The following RPSA2 variants were observed in gnomAD, a reference collection of about 807,000 sequenced individuals.
The protein encoded by RPSA2 is small ribosomal subunit protein uS2B.
the RPSA2 span, chr19:23,843,249 G>C: frequency 4.1e-6 from 1 of 242,678 alleles, no homozygotes; most frequent in African/African-American, 2.2e-5. Context: ...TATGTAAAGA[G>C]ACATGAGACA....
chr19:23,797,858 A>C, the RPSA2 span, among the ~76,000 whole-genome samples: 6 of 152,220 alleles, frequency 3.9e-5, no homozygotes, highest in Admixed American at 3.9e-4. Context: ...CCATGAGTTC[A>C]AGAACATGTT....
At chr19:23,865,727 G>A in the RPSA2 span, among the ~76,000 whole-genome samples, 1 of 152,154 alleles carries the variant, frequency 6.6e-6, no homozygotes, top group African/African-American at 2.4e-5. Context: ...CTGCTGCTAT[G>A]GCAAGGGAAC....
chr19:23,795,717 T>G, the RPSA2 span, among the ~76,000 whole-genome samples: 57 of 152,260 alleles, frequency 3.7e-4, no homozygotes, highest in African/African-American at 1.4e-3. Flanking sequence ...TGAATAGAAG[T>G]GTTGAGAGAA....
the RPSA2 span, among the ~76,000 whole-genome samples, chr19:23,765,034 A>C: frequency 1.3e-5 from 2 of 152,210 alleles, no homozygotes; most frequent in African/African-American, 4.8e-5. Flanking sequence ...GTCGTCTCTT[A>C]GAGGACAGTC....
chr19:23,853,755 T>G, the RPSA2 span, among the ~76,000 whole-genome samples: 1 of 152,156 alleles, frequency 6.6e-6, no homozygotes, highest in Non-Finnish European at 1.5e-5. Flanking sequence ...CAAAGATTAA[T>G]GGGGATTGGC....
the RPSA2 span, chr19:23,758,798 C>A: frequency 6.2e-7 from 1 of 1,613,900 alleles, no homozygotes; most frequent in Non-Finnish European, 8.5e-7. Context: ...TCGCCAATAC[C>A]TGCAGGTCAG....
the RPSA2 span, among the ~76,000 whole-genome samples, chr19:23,778,995 C>CTTTTTT: frequency 4.2e-3 from 338 of 80,678 alleles, 15 homozygotes; most frequent in African/African-American, 6.4e-3. Flanking sequence ...TTTTGTGACA[C>CTTTTTT]TTTTTTTTTT....
the RPSA2 span, chr19:23,827,274 T>A: frequency 1.2e-6 from 1 of 860,752 alleles, no homozygotes; most frequent in South Asian, 1.4e-5. Flanking sequence ...GAACACTACA[T>A]CTATAAAAGG....
chr19:23,849,937 G>A, the RPSA2 span, among the ~76,000 whole-genome samples: 2 of 152,244 alleles, frequency 1.3e-5, no homozygotes, highest in South Asian at 4.2e-4. Context: ...TGTCTTAAAG[G>A]AGAAAGGGAG....
chr19:23,781,808 T>C, the RPSA2 span, among the ~76,000 whole-genome samples: 1 of 152,318 alleles, frequency 6.6e-6, no homozygotes, highest in East Asian at 1.9e-4. Context: ...TTTCTACAAA[T>C]GTCTTGTGAC....
chr19:23,821,599 C>T, the RPSA2 span, among the ~76,000 whole-genome samples: 10 of 152,196 alleles, frequency 6.6e-5, no homozygotes, highest in South Asian at 4.1e-4. Context: ...TCTGCCAGCC[C>T]GATCAGGTCG....
At chr19:23,762,396 C>T in the RPSA2 span, among the ~76,000 whole-genome samples, 2 of 151,756 alleles carry the variant, frequency 1.3e-5, no homozygotes, top group African/African-American at 4.8e-5. Context: ...TCCAAATGGG[C>T]AGGGCGCGGT....
chr19:23,761,925 TTTTTTTTTTTGA>T, the RPSA2 span, among the ~76,000 whole-genome samples: 5 of 81,194 alleles, frequency 6.2e-5, no homozygotes, highest in South Asian at 3.9e-4. Context: ...TCTTTCTTTT[TTTTTTTTTTTGA>T]GATGGAGTCT....
chr19:23,844,933 A>G, the RPSA2 span, among the ~76,000 whole-genome samples: 46 of 149,250 alleles, frequency 3.1e-4, no homozygotes, highest in African/African-American at 1.1e-3. Context: ...TACTGACTCA[A>G]TCATGCTACT....
the RPSA2 span, among the ~76,000 whole-genome samples, chr19:23,814,011 G>A: frequency 5.3e-5 from 8 of 151,656 alleles, no homozygotes; most frequent in Non-Finnish European, 4.4e-5. Flanking sequence ...GTGAGCCACC[G>A]TGCCAGCCAG....
At chr19:23,870,050 G>A in the RPSA2 span, among the ~76,000 whole-genome samples, 2 of 152,172 alleles carry the variant, frequency 1.3e-5, no homozygotes, top group African/African-American at 4.8e-5. Flanking sequence ...CCTGGGCTAT[G>A]GATTCTCATT....
At chr19:23,786,947 T>C in the RPSA2 span, among the ~76,000 whole-genome samples, 1 of 151,880 alleles carries the variant, frequency 6.6e-6, no homozygotes, top group Admixed American at 6.6e-5. Flanking sequence ...AGCTGTGGCA[T>C]ATTGCTGTGG....
At chr19:23,842,463 CT>C in the RPSA2 span, 1 of 151,976 alleles carries the variant, frequency 6.6e-6, no homozygotes, top group African/African-American at 2.4e-5. Context: ...ACAGAGCCAA[CT>C]CTCTTAACTC....
the RPSA2 span, among the ~76,000 whole-genome samples, chr19:23,795,519 A>G: frequency 6.6e-6 from 1 of 152,064 alleles, no homozygotes; most frequent in Non-Finnish European, 1.5e-5. Flanking sequence ...TTGTACATTT[A>G]TTTTGTATCC....
Sources: allele counts gnomAD v4.1 joint callset (sites outside exome capture counted in the v4.1 genomes callset), GRCh38; gene constraint gnomAD v4.1.1; transcripts MANE v1.5; gene names NCBI Gene and HGNC (gene_info 2026-07-23, HGNC 2026-07-21).